ADGRV1: variants seen among roughly 807,000 people sequenced by gnomAD.
ADGRV1 encodes G-protein coupled receptor 98.
In ADGRV1, 359 loss-of-function variants were observed where a neutral mutation model predicts 596.2. The ratio of observed to expected loss-of-function variants is 0.60; its 90% CI spans 0.55 to 0.66. The LOEUF (loss-of-function observed/expected upper bound fraction) is 0.66. Ranked by LOEUF, ADGRV1 falls within the 30% of genes least tolerant of loss-of-function variation. The probability of loss-of-function intolerance (pLI) is 0.00; values close to 1 mark genes in which losing one functional copy is unlikely to be tolerated. For missense variants in ADGRV1, 7,274 were observed against 7,575.6 expected (o/e 0.96, Z 1.48); for synonymous variants, 2,681 against 2,679.2 (o/e 1.00, Z -0.02).
chr5:90,747,811 A>G (rs986784535), intron 52 of ADGRV1, among the ~76,000 whole-genome samples: 2 of 152,202 alleles, frequency 1.3e-5, no homozygotes, highest in African/African-American at 4.8e-5. Context: ...GTTCCCAGAC[A>G]CCAGCGGATA....
intron 58 of ADGRV1, 146 bp downstream of exon 58, chr5:90,759,734 A>AAG: frequency 1.5e-6 from 1 of 675,310 alleles, no homozygotes; most frequent in Non-Finnish European, 2.6e-6. Flanking sequence ...GGGAGGCCGC[A>AAG]GCGGGCAGAT....
At chr5:90,667,553 T>G (rs1437409201) in intron 21 of ADGRV1, among the ~76,000 whole-genome samples, 1 of 149,764 alleles carries the variant, frequency 6.7e-6, no homozygotes, top group East Asian at 2.0e-4. Context: ...GCCTTTGGTT[T>G]GAATGTCCTC....
intron 87 of ADGRV1, among the ~76,000 whole-genome samples, chr5:91,104,240 G>C (rs1224446015): frequency 1.3e-5 from 2 of 152,126 alleles, no homozygotes; most frequent in African/African-American, 2.4e-5. Context: ...CTGGCAGTGT[G>C]CCTGGGAATA....
intron 85 of ADGRV1, among the ~76,000 whole-genome samples, chr5:91,058,936 A>G (rs1282917158): frequency 6.6e-6 from 1 of 152,086 alleles, no homozygotes; most frequent in Admixed American, 6.5e-5. Context: ...GACTACCCCA[A>G]CTGAGGCACT....
chr5:90,926,320 G>T (rs2150769321), intron 83 of ADGRV1, among the ~76,000 whole-genome samples: 1 of 151,596 alleles, frequency 6.6e-6, no homozygotes, highest in Middle Eastern at 3.4e-3. Context: ...TCCTGTTATT[G>T]GTCTATTCAG....
chr5:90,849,597 T>C (rs111543261), intron 79 of ADGRV1, among the ~76,000 whole-genome samples: 4,241 of 152,088 alleles, frequency 0.028, 266 homozygotes, highest in East Asian at 0.27. Context: ...ACCATGTTGC[T>C]CAGGCTGGTC....
intron 84 of ADGRV1, among the ~76,000 whole-genome samples, chr5:90,965,957 G>C (rs1248606301): frequency 6.6e-6 from 1 of 152,152 alleles, no homozygotes; most frequent in African/African-American, 2.4e-5. Context: ...AGATTTAGCT[G>C]TATTCATGGG....
rs758274887 is a variant in ADGRV1 at position 90,705,553 on chromosome 5, T to A, written c.8540T>A (p.Phe2847Tyr). Residue 2847 changes from phenylalanine to tyrosine, a missense_variant, in exon 37 of 90, where the codon TTC (phenylalanine) becomes TAC (tyrosine). Phe to Tyr is a conservative substitution (Grantham distance 22). Transcript: ENST00000405460. The stretch of plus-strand genomic sequence containing the variant: ...GAGGCTAACATAACAATTCAGCTTT[T>A]CATCAACAGAGAATTTGGATCTCTA... ...LQEANITIQL[F>Y]INREFGSLGA... 12 of 1,613,806 alleles carry A rather than the reference T, an allele frequency of 7.4e-6. No individual in the cohort carries two copies. Among genetic ancestry groups the A allele is most frequent in the Non-Finnish European group, 1.0e-5 (12 of 1,179,778 alleles).
chr5:90,810,700 A>G lies in ADGRV1; in HGVS notation c.15440A>G (p.Asp5147Gly), dbSNP rs766519183. Residue 5147 changes from aspartate to glycine, a missense_variant, in exon 74 of 90, where the codon GAC becomes GGC. Transcript: ENST00000405460. The stretch of plus-strand genomic sequence containing the variant: ...GAGACAACTGTGGCTGTAGCAGTTG[A>G]CACAACTCTCATTCCTGTAGAAACT... ...FPETTVAVAV[D>G]TTLIPVETES... is the part of the protein sequence containing the mutation. 5.3e-5 allele frequency: 85 copies of G among 1,613,624 alleles called. No homozygotes were observed. Among genetic ancestry groups the G allele is most frequent in the Admixed American group, 4.8e-4 (29 of 59,976 alleles).
chr5:91,010,809 G>C (rs897570205), intron 85 of ADGRV1, among the ~76,000 whole-genome samples: 2 of 151,856 alleles, frequency 1.3e-5, no homozygotes, highest in South Asian at 4.2e-4. Flanking sequence ...ATAATTATTA[G>C]ACAAAGTAAT....
At position 90,791,278 on chromosome 5, in the gene ADGRV1, G is replaced by A; in HGVS notation, c.14449G>A (p.Ala4817Thr). 6.2e-7 allele frequency: 1 copy of A among 1,605,446 alleles called. No individual in the cohort carries two copies. Among genetic ancestry groups the A allele is most frequent in the Non-Finnish European group, 8.5e-7 (1 of 1,175,642 alleles). ...HKEQPIVTENAERQLVVKDGA... is the reference protein window; with the variant it reads ...HKEQPIVTENTERQLVVKDGA... ...AGAACAGCCGATTGTTACCGAAAAT[G>A]CAGAGAGGCAGCTGGTGGTCAAAGA... Residue 4817 changes from alanine to threonine, a missense_variant, in exon 70 of 90, where the codon GCA (alanine) becomes ACA (threonine). Around this residue, in one of 5 missense-constraint regions of ADGRV1, gnomAD observed 1,874 missense variants for 1,970.2 expected, o/e 0.95. Coordinates refer to ENST00000405460, the MANE Select transcript of ADGRV1 (RefSeq NM_032119.4).
At position 90,841,636 on chromosome 5, in the gene ADGRV1, T is replaced by TA. The variant is rs558500786; in HGVS notation, c.17019+660dup. Among the ~76,000 whole-genome samples, 265 of 150,740 alleles carry TA rather than the reference T, an allele frequency of 1.8e-3. 6 individuals carry two copies. In the East Asian group the frequency reaches 0.021, roughly 12 times the overall value. ...GAAAGATATCTATAAAGTTATTACTTAAAAAAAAAGCCTCCTTTGGAGGTT... is the reference window on the plus strand; with the variant it reads ...GAAAGATATCTATAAAGTTATTACTTAAAAAAAAAAGCCTCCTTTGGAGGTT... On this transcript the variant is annotated intron_variant, in intron 78 of 89. Coordinates refer to ENST00000405460, the MANE Select transcript of ADGRV1 (RefSeq NM_032119.4).
rs562301730 is a variant in ADGRV1 at position 90,866,061 on chromosome 5, G to A, written c.17856+2204G>A. Among the ~76,000 whole-genome samples the A allele has an allele frequency of 2.6e-5, 4 of 152,258 alleles. No homozygotes were observed. In the South Asian group the frequency reaches 8.3e-4, roughly 32 times the overall value. On this transcript the variant is annotated intron_variant, in intron 83 of 89. Transcript: ENST00000405460. ...TCTATAGCTGACCTAGAGTGTTTGA[G>A]TTGTGAATACTTTGCAGACAAGTCT...
chr5:90,753,584 C>A lies in ADGRV1; in HGVS notation c.11132C>A (p.Thr3711Asn). ...TCTTTAAAATTCTAGATTTTATTTA[C>A]TGAAGGCCAGGTACTGTCAACAATC... ...IFPTSGVILFTEGQVLSTITL... is the reference protein window; with the variant it reads ...IFPTSGVILFNEGQVLSTITL... The change falls in exon 54 of 90, where the codon ACT (threonine) becomes AAT (asparagine). Residue 3711 changes from threonine to asparagine, a missense_variant. Thr to Asn is a moderately conservative substitution (Grantham distance 65). Around this residue, in one of 5 missense-constraint regions of ADGRV1, gnomAD observed 3,643 missense variants for 3,809.2 expected, o/e 0.96. Coordinates refer to ENST00000405460, the MANE Select transcript of ADGRV1 (RefSeq NM_032119.4). 6.3e-7 allele frequency: 1 copy of A among 1,597,662 alleles called. No homozygotes were observed. Among genetic ancestry groups the A allele is most frequent in the Non-Finnish European group, 8.6e-7 (1 of 1,166,682 alleles).
intron 1 of ADGRV1, among the ~76,000 whole-genome samples, chr5:90,589,198 T>C (rs1360611647): frequency 2.0e-5 from 3 of 152,004 alleles, no homozygotes; most frequent in Non-Finnish European, 4.4e-5. Context: ...AAAGGCAAAA[T>C]AATAAAAGAG....
intron 85 of ADGRV1, among the ~76,000 whole-genome samples, chr5:91,046,153 A>G (rs1297674680): frequency 6.6e-6 from 1 of 152,114 alleles, no homozygotes; most frequent in Non-Finnish European, 1.5e-5. Flanking sequence ...TCTTCACAGA[A>G]CTAGAAAAAA....
chr5:90,689,332 C>CTTTTTTTT (rs34756274), intron 29 of ADGRV1, among the ~76,000 whole-genome samples: 3 of 104,438 alleles, frequency 2.9e-5, no homozygotes, highest in African/African-American at 4.1e-5. Context: ...CCCCACCCAC[C>CTTTTTTTT]TTTTTTTTTT....
intron 86 of ADGRV1, among the ~76,000 whole-genome samples, chr5:91,086,017 A>G (rs1055339651): frequency 1.3e-5 from 2 of 152,070 alleles, no homozygotes; most frequent in Non-Finnish European, 1.5e-5. Context: ...ATATCCTTCA[A>G]TTCTTCTGTA....
At position 90,823,371 on chromosome 5, in the gene ADGRV1, T is replaced by G. The variant is rs555058980; in HGVS notation, c.16197-54T>G. 3.9e-6 allele frequency: 6 copies of G among 1,546,376 alleles called. No individual in the cohort carries two copies. The South Asian group carries it at 4.6e-5, about 12-fold the overall frequency. ...ACCATTATTTGATAATAAACTCTAT[T>G]AGACATGGGGATGACACCCTCTGTT... On this transcript the variant is annotated intron_variant, in intron 75 of 89. Coordinates refer to ENST00000405460, the MANE Select transcript of ADGRV1 (RefSeq NM_032119.4).
Sources: gnomAD v4.1 joint callset for allele counts (sites outside exome capture counted in the v4.1 genomes callset) on GRCh38, gnomAD v4.1.1 for gene constraint, gnomAD v4.1.1 regional missense constraint, MANE v1.5 for transcripts, NCBI Gene and HGNC (gene_info 2026-07-23, HGNC 2026-07-21) for gene names.